PALLD: variants seen among roughly 807,000 people sequenced by gnomAD.
PALLD encodes palladin.
In PALLD, 61 loss-of-function variants were observed where a neutral mutation model predicts 123.5. That is an observed-to-expected ratio of 0.49 (90% CI 0.40 to 0.61). The LOEUF (loss-of-function observed/expected upper bound fraction) is 0.61, where lower values mean the gene tolerates loss of function less well. Ranked by LOEUF, PALLD falls within the 20% of genes least tolerant of loss-of-function variation. PALLD has a pLI of 0.00. For missense variants in PALLD, 1,273 were observed against 1,377.0 expected (o/e 0.92, Z 1.20); for synonymous variants, 465 against 496.4 (o/e 0.94, Z 0.84).
At chr4:168,719,435 C>T (rs1287817035) in intron 10 of PALLD, among the ~76,000 whole-genome samples, 5 of 149,814 alleles carry the variant, frequency 3.3e-5, no homozygotes, top group South Asian at 2.1e-4. Flanking sequence ...TTTTTTTGTA[C>T]TTTTAGTAGA....
intron 2 of PALLD, among the ~76,000 whole-genome samples, chr4:168,599,890 T>C (rs1283174858): frequency 3.7e-5 from 5 of 134,884 alleles, no homozygotes; most frequent in Non-Finnish European, 6.2e-5. Flanking sequence ...ACAGTGCATG[T>C]GTGTGTATAT....
intron 2 of PALLD, among the ~76,000 whole-genome samples, chr4:168,617,838 G>A (rs1445390971): frequency 6.6e-6 from 1 of 152,138 alleles, no homozygotes; most frequent in Non-Finnish European, 1.5e-5. Context: ...AAAACTGTAA[G>A]AGGAAAGAAA....
chr4:168,885,582 CACTG>C (rs1204295068), intron 10 of PALLD: 3 of 152,180 alleles, frequency 2.0e-5, no homozygotes, highest in Non-Finnish European at 4.4e-5. Flanking sequence ...CAATTTCAAG[CACTG>C]ACTGCTAAGA....
chr4:168,593,153 T>C (rs906557499), intron 2 of PALLD, among the ~76,000 whole-genome samples: 5 of 152,146 alleles, frequency 3.3e-5, no homozygotes, highest in African/African-American at 1.2e-4. Flanking sequence ...TTGTTAAAAA[T>C]CATGATGATA....
intron 2 of PALLD, among the ~76,000 whole-genome samples, chr4:168,612,300 T>C (rs2149769987): frequency 6.6e-6 from 1 of 151,206 alleles, no homozygotes; most frequent in East Asian, 1.9e-4. Flanking sequence ...CAAAATCATC[T>C]CTTCAACCCC....
rs565189199 is a variant in PALLD, at chr4:168,752,192, G to A, written c.1964+40269G>A. On this transcript the variant is annotated intron_variant, in intron 10 of 21. Coordinates refer to ENST00000505667, the MANE Select transcript of PALLD (RefSeq NM_001166108.2). ...ATTCAAGACCAGCCTGAGCAACATG[G>A]TGCAACTCTGTCTCTACAAAAAAGT... 2.0e-3 allele frequency among the ~76,000 whole-genome samples: 310 copies of A among 152,314 alleles called. 2 individuals carry two copies. The highest frequency in any genetic ancestry group is 7.1e-3 in the African/African-American group (297 of 41,574).
intron 2 of PALLD, among the ~76,000 whole-genome samples, chr4:168,611,390 GAGCT>G (rs1211744292): frequency 2.6e-5 from 4 of 152,152 alleles, no homozygotes; most frequent in Non-Finnish European, 4.4e-5. Flanking sequence ...CTGATCCTGT[GAGCT>G]ATGTTCCATC....
intron 8 of PALLD, among the ~76,000 whole-genome samples, chr4:168,693,753 C>T (rs1176578014): frequency 6.6e-6 from 1 of 152,132 alleles, no homozygotes; most frequent in Non-Finnish European, 1.5e-5. Flanking sequence ...ATGATTTCTC[C>T]ACAATTGTTT....
At chr4:168,877,939 C>T (rs1158810830) in intron 10 of PALLD, 5 of 1,498,844 alleles carry the variant, frequency 3.3e-6, no homozygotes, top group South Asian at 1.2e-5. Flanking sequence ...AGTCCTCCGG[C>T]TCCTTCAACT....
intron 2 of PALLD, among the ~76,000 whole-genome samples, chr4:168,628,100 C>T (rs988611677): frequency 6.6e-6 from 1 of 152,186 alleles, no homozygotes; most frequent in Non-Finnish European, 1.5e-5. Context: ...ATCCAGTAAT[C>T]CCACTTGTGG....
intron 10 of PALLD, among the ~76,000 whole-genome samples, chr4:168,888,128 G>C (rs1374227028): frequency 6.6e-6 from 1 of 152,148 alleles, no homozygotes; most frequent in African/African-American, 2.4e-5. Context: ...CTATGCACGT[G>C]TTTGTTAAAG....
chr4:168,583,098 G>T (rs1014676898), intron 2 of PALLD, among the ~76,000 whole-genome samples: 1 of 152,082 alleles, frequency 6.6e-6, no homozygotes, highest in Non-Finnish European at 1.5e-5. Flanking sequence ...CAGCCCTAAT[G>T]TACTTATCAT....
At chr4:168,741,940 T>C (rs997063488) in intron 10 of PALLD, among the ~76,000 whole-genome samples, 3 of 152,166 alleles carry the variant, frequency 2.0e-5, no homozygotes. Flanking sequence ...CAAAGCCCAG[T>C]GCCCTGTGAC....
chr4:168,519,738 G>T (rs1763346549), intron 2 of PALLD, among the ~76,000 whole-genome samples: 1 of 152,084 alleles, frequency 6.6e-6, no homozygotes, highest in South Asian at 2.1e-4. Context: ...ATTTGAAAAT[G>T]AACAAGTGCT....
At position 168,921,750 on chromosome 4, in the gene PALLD, A is replaced by G. The variant is rs772627919; in HGVS notation, c.3058+9A>G. ...GGAGCTTGTGGTTGCTGGTAGGCTC[A>G]TCTGTGAATCCTTGCTCTCTGACAG... On this transcript the variant is annotated intron_variant, in intron 18 of 21. Transcript: ENST00000505667. The G allele has an allele frequency of 6.2e-7, 1 of 1,601,684 alleles. No individual in the cohort carries two copies. Among genetic ancestry groups the G allele is most frequent in the South Asian group, 1.1e-5 (1 of 90,736 alleles).
At chr4:168,823,927 C>T (rs1392750) in intron 10 of PALLD, among the ~76,000 whole-genome samples, 101,556 of 152,078 alleles carry the variant, frequency 0.67, 34,214 homozygotes, top group Non-Finnish European at 0.7. Flanking sequence ...CTACACAAAG[C>T]TTTCTTAAGT....
intron 17 of PALLD, among the ~76,000 whole-genome samples, chr4:168,920,917 C>T (rs569283747): frequency 2.3e-4 from 35 of 152,266 alleles, no homozygotes; most frequent in African/African-American, 7.9e-4. Flanking sequence ...AAGCCCAGAG[C>T]CTGGTGCTGA....
At chr4:168,509,578 T>A (rs6845647) in intron 1 of PALLD, among the ~76,000 whole-genome samples, 45,438 of 151,940 alleles carry the variant, frequency 0.3, 6,873 homozygotes, top group Non-Finnish European at 0.33. Flanking sequence ...CAGCACAGAC[T>A]GGACAAAGGA....
intron 10 of PALLD, among the ~76,000 whole-genome samples, chr4:168,883,041 G>A (rs1471868206): frequency 6.7e-6 from 1 of 149,280 alleles, no homozygotes; most frequent in African/African-American, 2.5e-5. Flanking sequence ...AGTGAGCTGA[G>A]ATTGCGCCAT....
Sources: gnomAD v4.1 joint callset for allele counts (sites outside exome capture counted in the v4.1 genomes callset) on GRCh38, gnomAD v4.1.1 for gene constraint, MANE v1.5 for transcripts, NCBI Gene and HGNC (gene_info 2026-07-23, HGNC 2026-07-21) for gene names.